The following N4BP2L1 variants were observed in gnomAD, a reference collection of about 807,000 sequenced individuals.
N4BP2L1 encodes NEDD4-binding protein 2-like 1.
In N4BP2L1, 12 loss-of-function variants were observed where a neutral mutation model predicts 21.2. The observed-to-expected ratio is 0.57, with a 90% CI of 0.36 to 0.92. The LOEUF (loss-of-function observed/expected upper bound fraction) is 0.92. Ranked by LOEUF, N4BP2L1 falls within the 40% of genes least tolerant of loss-of-function variation. The pLI, the probability that N4BP2L1 is intolerant of heterozygous loss-of-function variation, is 0.01. For missense variants in N4BP2L1, 259 were observed against 310.6 expected, an observed-to-expected ratio of 0.83 and a Z score of 1.25; for synonymous variants, 104 against 112.8, an observed-to-expected ratio of 0.92 and a Z score of 0.49.
At chr13:32,428,180 G>A, upstream of N4BP2L1, 1 of 1,248,482 alleles carries the variant, frequency 8.0e-7, no homozygotes, top group African/African-American at 1.5e-5. Flanking sequence ...CCATGTGATG[G>A]ATAGAGGGGC....
intron 1 of N4BP2L1, among the ~76,000 whole-genome samples, chr13:32,418,525 G>C (rs541194463): frequency 1.3e-5 from 2 of 152,196 alleles, no homozygotes; most frequent in Admixed American, 1.3e-4. Context: ...CCACACAGAG[G>C]CTCCACTGGG....
chr13:32,421,678 C>T (rs773523270), intron 1 of N4BP2L1, among the ~76,000 whole-genome samples: 1 of 152,140 alleles, frequency 6.6e-6, no homozygotes, highest in Non-Finnish European at 1.5e-5. Flanking sequence ...CTTTTCTTTC[C>T]CCATTTCTCC....
chr13:32,428,198 G>A (rs1472812293), upstream of N4BP2L1: 2 of 1,099,786 alleles, frequency 1.8e-6, no homozygotes, highest in Non-Finnish European at 2.4e-6. Flanking sequence ...GGCGGGCGCT[G>A]GGAGCCCAGC....
intron 1 of N4BP2L1, among the ~76,000 whole-genome samples, chr13:32,410,272 G>A (rs2073778327): frequency 6.6e-6 from 1 of 152,346 alleles, no homozygotes; most frequent in South Asian, 2.1e-4. Flanking sequence ...ACTCCGCAGG[G>A]CCTGTCATCC....
At chr13:32,419,805 G>A (rs1261961311) in intron 1 of N4BP2L1, among the ~76,000 whole-genome samples, 1 of 152,196 alleles carries the variant, frequency 6.6e-6, no homozygotes, top group Non-Finnish European at 1.5e-5. Flanking sequence ...ACCCTTAAAG[G>A]AGACTGACGG....
chr13:32,402,382 A>G lies in N4BP2L1; in HGVS notation c.*560T>C, dbSNP rs1245954534. 9.7e-6 allele frequency: 7 copies of G among 723,284 alleles called. No homozygotes were observed. In the African/African-American group the frequency reaches 9.8e-5, roughly 10 times the overall value. 44.8% of individuals were successfully genotyped at this position (723,284 alleles called of 1,614,324 possible). Reference sequence around the variant, plus strand: ...ATAACTTCCCAAAGTGTCTACTTTGAAGGACAATGTTCCCTTAGATGTATG... The same window carrying G: ...ATAACTTCCCAAAGTGTCTACTTTGGAGGACAATGTTCCCTTAGATGTATG... On this transcript the variant is annotated 3_prime_UTR_variant, in exon 5 of 5. Transcript: ENST00000380130.
At chr13:32,411,229 A>G (rs1043132708) in intron 1 of N4BP2L1, among the ~76,000 whole-genome samples, 1 of 152,128 alleles carries the variant, frequency 6.6e-6, no homozygotes, top group South Asian at 2.1e-4. Context: ...AACACCATCC[A>G]TCATTTCCTG....
rs537406163 is a variant in N4BP2L1, at chr13:32,422,247, C to T, written c.179+5657G>A. Among the ~76,000 whole-genome samples, 8 of 152,104 alleles carry T rather than the reference C, an allele frequency of 5.3e-5. No homozygotes were observed. The East Asian group carries it at 1.5e-3, about 29-fold the overall frequency. ...AATTGAAATCCAGGTTAACTTAGCC[C>T]GCTTATAAGGCTCTTGTTTTTTCAT... On this transcript the variant is annotated intron_variant, in intron 1 of 4. Coordinates refer to ENST00000380130, the MANE Select transcript of N4BP2L1 (RefSeq NM_052818.3).
chr13:32,420,735 C>G (rs1426571274), intron 1 of N4BP2L1, among the ~76,000 whole-genome samples: 4 of 151,902 alleles, frequency 2.6e-5, no homozygotes, highest in South Asian at 4.2e-4. Context: ...CTCTTGTTGC[C>G]CAGGCTGGAG....
Position 32,402,526 on chromosome 13 carries a change from CA to C in N4BP2L1, c.*415del, listed in dbSNP as rs369414196. 5.7e-3 allele frequency: 2,942 copies of C among 514,236 alleles called. 74 individuals carry two copies. The African/African-American group carries it at 0.067, about 12-fold the overall frequency. The allele number at this position is 514,236 out of a possible 1,614,324, so 31.9% of individuals were successfully genotyped here. A position where few individuals can be genotyped will look rare whatever the true frequency, so the allele number is the denominator to read the frequency against. ...ACTTTGATAAGTAGCAATGCCCCCC[CA>C]CCACTTCTCTCCACCTTCCCAACTT... On this transcript the variant is annotated 3_prime_UTR_variant, in exon 5 of 5. Transcript: ENST00000380130.
intron 1 of N4BP2L1, among the ~76,000 whole-genome samples, chr13:32,408,316 A>G (rs1593243794): frequency 6.6e-6 from 1 of 152,310 alleles, no homozygotes; most frequent in East Asian, 1.9e-4. Context: ...CACGTGCTCT[A>G]CTTTATCAGG....
intron 1 of N4BP2L1, chr13:32,419,405 T>G: frequency 2.6e-6 from 1 of 390,666 alleles, no homozygotes; most frequent in Non-Finnish European, 4.9e-6. Context: ...GCCACCATGC[T>G]TGGCTAATTT....
At position 32,401,914 on chromosome 13, in the gene N4BP2L1, A is replaced by C; in HGVS notation, c.*1028T>G. On this transcript the variant is annotated 3_prime_UTR_variant, in exon 5 of 5. Transcript: ENST00000380130. ...ATCTGATTCCAACCTGTTGGAAATT[A>C]ATTTGGATTCATAAATTCAGCATCA... is the stretch of plus-strand genomic sequence containing the variant. 1.0e-6 allele frequency: 1 copy of C among 985,548 alleles called. No individual in the cohort carries two copies. Among genetic ancestry groups the C allele is most frequent in the Non-Finnish European group, 1.2e-6 (1 of 829,686 alleles). 61.1% of individuals were successfully genotyped at this position (985,548 alleles called of 1,614,324 possible).
chr13:32,420,542 T>C, intron 1 of N4BP2L1: 1 of 152,308 alleles, frequency 6.6e-6, no homozygotes, highest in East Asian at 1.9e-4. Flanking sequence ...ACTGTAACTA[T>C]GAGGTAAAGG....
chr13:32,420,371 C>T (rs1043034079), intron 1 of N4BP2L1: 12 of 152,186 alleles, frequency 7.9e-5, no homozygotes, highest in African/African-American at 2.9e-4. Context: ...GCACACCTAC[C>T]TCAGTACTAA....
Position 32,402,916 on chromosome 13 carries a change from A to T in N4BP2L1, c.*26T>A. ...CTGAAGTAGAAACTGACTTAGGAAA[A>T]TTCTGCCTGGCTGTAAGATAGGCCT... On this transcript the variant is annotated 3_prime_UTR_variant, in exon 5 of 5. Transcript: ENST00000380130. 1 of 1,526,024 alleles carries T rather than the reference A, an allele frequency of 6.6e-7. No individual in the cohort carries two copies. Among genetic ancestry groups the T allele is most frequent in the Non-Finnish European group, 8.8e-7 (1 of 1,135,186 alleles). 94.5% of individuals were successfully genotyped at this position (1,526,024 alleles called of 1,614,324 possible). A position where few individuals can be genotyped will look rare whatever the true frequency, so the allele number is the denominator to read the frequency against.
intron 1 of N4BP2L1, among the ~76,000 whole-genome samples, chr13:32,422,931 G>A (rs1232890905): frequency 6.6e-6 from 1 of 152,152 alleles, no homozygotes; most frequent in Non-Finnish European, 1.5e-5. Context: ...CACAGAGTTG[G>A]AATGCTGCAA....
chr13:32,422,795 AGAG>A (rs1328207398), intron 1 of N4BP2L1, among the ~76,000 whole-genome samples: 23 of 152,196 alleles, frequency 1.5e-4, no homozygotes, highest in Admixed American at 7.2e-4. Flanking sequence ...GGTAGTGAGG[AGAG>A]GAGATTTAGG....
At position 32,400,917 on chromosome 13, in the gene N4BP2L1, A is replaced by G. The variant is rs1195986993; in HGVS notation, c.*2025T>C. The G allele has an allele frequency of 6.6e-6, 1 of 152,212 alleles. No individual in the cohort carries two copies. Among genetic ancestry groups the G allele is most frequent in the Admixed American group, 6.5e-5 (1 of 15,276 alleles). 9.4% of individuals were successfully genotyped at this position (152,212 alleles called of 1,614,324 possible). A position where few individuals can be genotyped will look rare whatever the true frequency, so the allele number is the denominator to read the frequency against. ...ATCACTTCTACAGGGGATAAAGTTG[A>G]TGGCATTTAATCAATTTTTATGGTT... On this transcript the variant is annotated 3_prime_UTR_variant, in exon 5 of 5. Coordinates refer to ENST00000380130, the MANE Select transcript of N4BP2L1 (RefSeq NM_052818.3).
Sources: allele counts gnomAD v4.1 joint callset (sites outside exome capture counted in the v4.1 genomes callset), GRCh38; gene constraint gnomAD v4.1.1; transcripts MANE v1.5; gene names NCBI Gene and HGNC (gene_info 2026-07-23, HGNC 2026-07-21).